DEUP1: variants seen among roughly 807,000 people sequenced by gnomAD.
DEUP1 encodes coiled-coil domain containing 67.
A neutral mutation model predicts 87.4 loss-of-function variants in DEUP1; 82 were observed. The ratio of observed to expected loss-of-function variants is 0.94; its 90% confidence interval spans 0.78 to 1.13. The LOEUF (loss-of-function observed/expected upper bound fraction) is 1.13. Among genes scored for constraint, DEUP1 ranks in the 50% most tolerant of loss-of-function variants. The pLI, the probability that DEUP1 is intolerant of heterozygous loss-of-function variation, is 0.00. For synonymous variants in DEUP1, 214 were observed against 222.7 expected (o/e 0.96, Z 0.35); for missense variants, 663 against 681.5 (o/e 0.97, Z 0.30).
chr11:93,350,091 G>A (rs942987480), intron 2 of DEUP1, among the ~76,000 whole-genome samples: 2 of 152,166 alleles, frequency 1.3e-5, no homozygotes, highest in African/African-American at 4.8e-5. Context: ...AGGGAAGATG[G>A]CAGTCAGTGA....
chr11:93,428,607 TA>T lies in DEUP1; in HGVS notation c.1639-8928del, dbSNP rs974566743. 4.0e-4 allele frequency among the ~76,000 whole-genome samples: 61 copies of T among 151,960 alleles called. 1 individual carries two copies. Among genetic ancestry groups the T allele is most frequent in the Admixed American group, 2.8e-3 (43 of 15,234 alleles). ...ACTTAAAGTATAATAATAATAAAATTAAAAAAAAGTTTTATAACAAAACCAT... is the reference window on the plus strand; with the variant it reads ...ACTTAAAGTATAATAATAATAAAATTAAAAAAAGTTTTATAACAAAACCAT... On this transcript the variant is annotated intron_variant, in intron 13 of 13. Transcript: ENST00000298050.
chr11:93,419,603 T>A (rs373379018), intron 13 of DEUP1, among the ~76,000 whole-genome samples: 1 of 152,130 alleles, frequency 6.6e-6, no homozygotes, highest in Non-Finnish European at 1.5e-5. Context: ...ATTTAGCCTT[T>A]CTCATTTCCG....
At chr11:93,336,416 GC>G (rs1943771067) in intron 2 of DEUP1, among the ~76,000 whole-genome samples, 1 of 152,156 alleles carries the variant, frequency 6.6e-6, no homozygotes, top group African/African-American at 2.4e-5. Flanking sequence ...ATATCAGCGG[GC>G]TTATTGACAG....
At chr11:93,401,050 A>G (rs11020312) in intron 11 of DEUP1, among the ~76,000 whole-genome samples, 42,278 of 152,040 alleles carry the variant, frequency 0.28, 7,531 homozygotes, top group Non-Finnish European at 0.41. Flanking sequence ...AGAAAACCCT[A>G]AAGACTCCAC....
intron 13 of DEUP1, among the ~76,000 whole-genome samples, chr11:93,433,834 A>C (rs1948166992): frequency 6.6e-6 from 1 of 152,216 alleles, no homozygotes; most frequent in South Asian, 2.1e-4. Flanking sequence ...TGTCCCAGGA[A>C]GCTTGGCACA....
intron 13 of DEUP1, among the ~76,000 whole-genome samples, chr11:93,427,012 G>GAAAAAAAAAAAAAAA (rs1215051153): frequency 8.4e-5 from 1 of 11,844 alleles, no homozygotes; most frequent in Non-Finnish European, 1.3e-4. Flanking sequence ...AAAAAAAAAA[G>GAAAAAAAAAAAAAAA]AAAAAAAAAA....
chr11:93,339,880 C>T (rs137913356), intron 2 of DEUP1, among the ~76,000 whole-genome samples: 34 of 152,274 alleles, frequency 2.2e-4, no homozygotes, highest in African/African-American at 7.7e-4. Context: ...GAGGCTGAGT[C>T]GAGAACCTGA....
At chr11:93,383,659 G>T in intron 7 of DEUP1, 2 of 634,604 alleles carry the variant, frequency 3.2e-6, no homozygotes, top group South Asian at 1.9e-5. Context: ...CAATAATATT[G>T]ATTATATTTC....
At chr11:93,404,132 T>C (rs1947199758) in intron 11 of DEUP1, among the ~76,000 whole-genome samples, 1 of 151,962 alleles carries the variant, frequency 6.6e-6, no homozygotes, top group Admixed American at 6.6e-5. Flanking sequence ...TAGGAATGCA[T>C]GGGGTTATGC....
intron 8 of DEUP1, among the ~76,000 whole-genome samples, chr11:93,387,582 G>T (rs564764738): frequency 2.6e-5 from 4 of 151,716 alleles, no homozygotes. Context: ...TCATGATTAC[G>T]GTTTTCTTCT....
At chr11:93,358,417 G>T (rs1208912789) in intron 4 of DEUP1, among the ~76,000 whole-genome samples, 2 of 152,132 alleles carry the variant, frequency 1.3e-5, no homozygotes, top group Non-Finnish European at 2.9e-5. Flanking sequence ...TTTAGGAAAT[G>T]CTGTTTAAGC....
At chr11:93,379,341 C>G (rs994536651) in intron 7 of DEUP1, among the ~76,000 whole-genome samples, 2 of 152,160 alleles carry the variant, frequency 1.3e-5, no homozygotes, top group African/African-American at 4.8e-5. Context: ...CCACCTTTCT[C>G]CTCCTCAGAA....
chr11:93,433,449 C>G (rs758703351), intron 13 of DEUP1, among the ~76,000 whole-genome samples: 45 of 152,296 alleles, frequency 3.0e-4, no homozygotes, highest in African/African-American at 1.1e-3. Flanking sequence ...AGCCCAGGAG[C>G]TGGAAGTTAA....
At chr11:93,373,625 G>GTGTGTGTATATATATATATATATGTGTA (rs796309948) in intron 7 of DEUP1, among the ~76,000 whole-genome samples, 1 of 67,002 alleles carries the variant, frequency 1.5e-5, no homozygotes, top group Non-Finnish European at 3.5e-5. Flanking sequence ...ATATATATAC[G>GTGTGTGTATATATATATATATATGTGTA]TATATATATA....
At chr11:93,363,038 T>A (rs1372292100) in intron 4 of DEUP1, among the ~76,000 whole-genome samples, 2 of 151,872 alleles carry the variant, frequency 1.3e-5, no homozygotes, top group African/African-American at 4.8e-5. Context: ...AACAAACTGA[T>A]ACATTTATAC....
intron 7 of DEUP1, among the ~76,000 whole-genome samples, chr11:93,373,625 G>GTATATATATATA (rs1555048258): frequency 1.0e-3 from 68 of 67,000 alleles, no homozygotes; most frequent in African/African-American, 2.6e-3. Flanking sequence ...ATATATATAC[G>GTATATATATATA]TATATATATA....
chr11:93,427,162 G>A lies in DEUP1; in HGVS notation c.1639-10381G>A, dbSNP rs571105155. Among the ~76,000 whole-genome samples, 1,130 of 150,232 alleles carry A rather than the reference G, an allele frequency of 7.5e-3. 13 individuals carry two copies. The highest frequency in any genetic ancestry group is 0.026 in the African/African-American group (1,046 of 40,756). On this transcript the variant is annotated intron_variant, in intron 13 of 13. Coordinates refer to ENST00000298050, the MANE Select transcript of DEUP1 (RefSeq NM_181645.4). ...ATGGAACCAAAAAAGAGCCCACATCGCCAAGTCAATCCTAAGCCAAAAGAA... is the reference window on the plus strand; with the variant it reads ...ATGGAACCAAAAAAGAGCCCACATCACCAAGTCAATCCTAAGCCAAAAGAA...
intron 2 of DEUP1, chr11:93,352,331 T>A: frequency 2.8e-6 from 2 of 702,368 alleles, no homozygotes; most frequent in Non-Finnish European, 5.2e-6. Flanking sequence ...AATAACTACC[T>A]GCTTATCCAG....
chr11:93,437,661 G>C lies in DEUP1; in HGVS notation c.1757G>C (p.Arg586Thr). Residue 586 changes from arginine to threonine, a missense_variant, in exon 14 of 14, where the codon AGA becomes ACA. Arg to Thr is a moderately conservative substitution (Grantham distance 71). Transcript: ENST00000298050. ...AATACACATATTGATGAACTGCAAA[G>C]ACACACAGAATTTACTCTTAATAAA... The part of the protein sequence containing the change: ...LLNTHIDELQ[R>T]HTEFTLNKYS... The C allele has an allele frequency of 6.2e-7, 1 of 1,608,772 alleles. No individual in the cohort carries two copies. Among genetic ancestry groups the C allele is most frequent in the Non-Finnish European group, 8.5e-7 (1 of 1,175,796 alleles).
Sources: gnomAD v4.1 joint callset for allele counts (sites outside exome capture counted in the v4.1 genomes callset) on GRCh38, gnomAD v4.1.1 for gene constraint, MANE v1.5 for transcripts, NCBI Gene and HGNC (gene_info 2026-07-23, HGNC 2026-07-21) for gene names.